The following PLEKHG4B variants were observed in gnomAD, a reference collection of about 807,000 sequenced individuals.
The protein encoded by PLEKHG4B is pleckstrin homology and RhoGEF domain containing G4B, also known as pleckstrin homology domain-containing family G member 4B.
In PLEKHG4B, 111 loss-of-function variants were observed where a neutral mutation model predicts 121.3. The observed-to-expected ratio is 0.92, with a 90% confidence interval of 0.78 to 1.07. The LOEUF (loss-of-function observed/expected upper bound fraction) is 1.07. Among genes scored for constraint, PLEKHG4B ranks in the 50% least tolerant of loss-of-function variants. The probability of loss-of-function intolerance (pLI) is 0.00; values close to 1 mark genes in which losing one functional copy is unlikely to be tolerated. For synonymous variants in PLEKHG4B, 738 were observed against 725.0 expected, an observed-to-expected ratio of 1.02 and a Z score of -0.29; for missense variants, 1,831 against 1,757.8, an observed-to-expected ratio of 1.04 and a Z score of -0.74.
chr5:115,578 A>G (rs374379506), intron 2 of PLEKHG4B, among the ~76,000 whole-genome samples: 8 of 152,226 alleles, frequency 5.3e-5, no homozygotes, highest in African/African-American at 1.7e-4. Flanking sequence ...TGTTTTGTCT[A>G]CGTTGAAAAT....
At chr5:131,994 C>T (rs922377334) in intron 2 of PLEKHG4B, among the ~76,000 whole-genome samples, 1 of 151,874 alleles carries the variant, frequency 6.6e-6, no homozygotes, top group East Asian at 1.9e-4. Context: ...ACAAAATACC[C>T]TAGGAATAAA....
intron 1 of PLEKHG4B, among the ~76,000 whole-genome samples, chr5:110,024 G>GCA (rs1734092023): frequency 6.7e-6 from 1 of 148,856 alleles, no homozygotes; most frequent in Non-Finnish European, 1.5e-5. Flanking sequence ...TAACACACGT[G>GCA]CACACACCCA....
chr5:116,056 A>G lies in PLEKHG4B; in HGVS notation c.243+2608A>G, dbSNP rs1734299151. Among the ~76,000 whole-genome samples the G allele has an allele frequency of 1.3e-5, 2 of 152,172 alleles. 1 individual carries two copies. Among genetic ancestry groups the G allele is most frequent in the South Asian group, 4.1e-4 (2 of 4,830 alleles). ...CTGGGGCATTCAGCATGCCTTTCTC[A>G]CAAAGCTTAATCATTTTTAGCTTTT... On this transcript the variant is annotated intron_variant, in intron 2 of 19. Coordinates refer to ENST00000637938, the MANE Select transcript of PLEKHG4B (RefSeq NM_052909.5).
Position 162,977 on chromosome 5 carries a change from C to G in PLEKHG4B, c.2905C>G (p.Pro969Ala). 6.4e-7 allele frequency: 1 copy of G among 1,567,036 alleles called. No homozygotes were observed. The highest frequency in any genetic ancestry group is 8.6e-7 in the Non-Finnish European group (1 of 1,156,070). ...SEAAPDPSLPPLAQSPPKHER... is the reference protein window; with the variant it reads ...SEAAPDPSLPALAQSPPKHER... ...GGCTGCCCCAGACCCCAGCTTACCG[C>G]CCCTTGCCCAGAGCCCCCCAAAGCA... Residue 969 changes from proline to alanine, a missense_variant, in exon 13 of 20, where the codon CCC (proline) becomes GCC (alanine). Pro to Ala is a conservative substitution (Grantham distance 27, BLOSUM62 -1). Transcript: ENST00000637938.
chr5:169,868 C>T (rs1405414933), intron 14 of PLEKHG4B, among the ~76,000 whole-genome samples: 1 of 152,244 alleles, frequency 6.6e-6, no homozygotes, highest in African/African-American at 2.4e-5. Context: ...CACACCCATT[C>T]TGCCAGCAGC....
At chr5:129,688 C>T (rs937512861) in intron 2 of PLEKHG4B, among the ~76,000 whole-genome samples, 2 of 152,166 alleles carry the variant, frequency 1.3e-5, no homozygotes, top group African/African-American at 2.4e-5. Flanking sequence ...ACGAAGTATT[C>T]CCTAGGACTG....
intron 14 of PLEKHG4B, 31 bp from the exon 15 acceptor site, chr5:171,012 C>T: frequency 6.3e-7 from 1 of 1,578,504 alleles, no homozygotes; most frequent in Non-Finnish European, 8.6e-7. Context: ...CTGTCACTCC[C>T]ACAGCCAAGC....
intron 3 of PLEKHG4B, among the ~76,000 whole-genome samples, chr5:141,924 C>A (rs1377284925): frequency 6.6e-6 from 1 of 152,160 alleles, no homozygotes; most frequent in African/African-American, 2.4e-5. Flanking sequence ...ACCCCTCCTA[C>A]CTGCCTGGCC....
Position 171,630 on chromosome 5 carries a change from T to C in PLEKHG4B, c.4050+186T>C, listed in dbSNP as rs1736558048. Among the ~76,000 whole-genome samples, 5 of 152,166 alleles carry C rather than the reference T, an allele frequency of 3.3e-5. No individual in the cohort carries two copies. The South Asian group carries it at 1.0e-3, about 32-fold the overall frequency. Reference sequence around the variant, plus strand: ...GCCACCTGGAGGAGGGTCTTACCTGTCTGGGCAATGTCAGGGAGCAGCCAG... The same window carrying C: ...GCCACCTGGAGGAGGGTCTTACCTGCCTGGGCAATGTCAGGGAGCAGCCAG... On this transcript the variant is annotated intron_variant, in intron 16 of 19. Transcript: ENST00000637938.
Position 182,029 on chromosome 5 carries a change from G to C in PLEKHG4B, c.4590G>C (p.Ala1530=), listed in dbSNP as rs779843545. The C allele has an allele frequency of 3.1e-6, 5 of 1,614,070 alleles. No homozygotes were observed. The highest frequency in any genetic ancestry group is 4.2e-6 in the Non-Finnish European group (5 of 1,179,966). The change falls in exon 20 of 20, where the codon GCG becomes GCC. Residue 1530 remains alanine (A), a synonymous_variant. Transcript: ENST00000637938. ...AGTCACAAATGAGAGGGTCCACAGC[G>C]GTGTCCTCCTCTGACCACGCCGCCC... is the stretch of plus-strand genomic sequence containing the variant. The part of the protein sequence containing the change: ...GTESQMRGST[A]VSSSDHAAPF...
chr5:100,181 C>T (rs964502069), intron 1 of PLEKHG4B, among the ~76,000 whole-genome samples: 8 of 152,048 alleles, frequency 5.3e-5, no homozygotes, highest in Non-Finnish European at 5.9e-5. Flanking sequence ...AATCTCATTA[C>T]GTTATATGAA....
intron 2 of PLEKHG4B, among the ~76,000 whole-genome samples, chr5:135,685 ATATATATATAT>A (rs1734957417): frequency 1.4e-3 from 45 of 31,054 alleles, no homozygotes; most frequent in African/African-American, 6.0e-3. Flanking sequence ...AAAAAAAAAT[ATATATATATAT>A]ATATATATAT....
At position 161,939 on chromosome 5, in the gene PLEKHG4B, G is replaced by C. The variant is rs755737878; in HGVS notation, c.2644G>C (p.Glu882Gln). ...GTGGACCCGCTCGTCCGAGTTGTGC[G>C]AGACGGTAAGAGACCCAGTGGGCGT... Reference protein sequence around the residue: ...ARWTRSSELCETVSSWMGPLD... With the variant: ...ARWTRSSELCQTVSSWMGPLD... The change falls in exon 12 of 20, where the codon GAG becomes CAG. Residue 882 changes from glutamate (E) to glutamine (Q), a missense_variant. Coordinates refer to ENST00000637938, the MANE Select transcript of PLEKHG4B (RefSeq NM_052909.5). 12 of 1,606,906 alleles carry C rather than the reference G, an allele frequency of 7.5e-6. No homozygotes were observed. Among genetic ancestry groups the C allele is most frequent in the African/African-American group, 5.3e-5 (4 of 74,810 alleles).
chr5:118,291 C>T (rs341267), intron 2 of PLEKHG4B, among the ~76,000 whole-genome samples: 88,213 of 152,008 alleles, frequency 0.58, 28,180 homozygotes, highest in East Asian at 0.91. Context: ...TAGGAGATTT[C>T]ACCTCTCTCA....
intron 7 of PLEKHG4B, among the ~76,000 whole-genome samples, chr5:154,202 T>C (rs1735691082): frequency 6.6e-6 from 1 of 152,008 alleles, no homozygotes; most frequent in African/African-American, 2.4e-5. Context: ...GACGGGGTTT[T>C]ACCGTGTTGG....
In PLEKHG4B at chr5:141,711, ATTTTTTT is replaced by A. The variant is rs34273619; in HGVS notation, c.1477+1010_1477+1016del. Among the ~76,000 whole-genome samples the A allele has an allele frequency of 9.1e-3, 1,155 of 127,554 alleles. 15 individuals carry two copies. Among genetic ancestry groups the A allele is most frequent in the African/African-American group, 0.033 (1,068 of 32,826 alleles). The allele number at this position is 127,554 out of a possible 152,430, so 83.7% of individuals were successfully genotyped here. On this transcript the variant is annotated intron_variant, in intron 3 of 19. Coordinates refer to ENST00000637938, the MANE Select transcript of PLEKHG4B (RefSeq NM_052909.5). ...TGACAACATATTTCTTAAATATTTCATTTTTTTTTTTTTTTTTTTTTGAGTAAAGAAA... is the reference window on the plus strand; with the variant it reads ...TGACAACATATTTCTTAAATATTTCATTTTTTTTTTTTTTGAGTAAAGAAA...
intron 1 of PLEKHG4B, among the ~76,000 whole-genome samples, chr5:99,476 T>C (rs1007196658): frequency 5.9e-5 from 9 of 152,036 alleles, no homozygotes; most frequent in Non-Finnish European, 5.9e-5. Context: ...AATTTATTCC[T>C]AGGTATTTAA....
rs542215813 is a variant in PLEKHG4B at position 133,123 on chromosome 5, A to T, written c.244-6360A>T. On this transcript the variant is annotated intron_variant, in intron 2 of 19. Transcript: ENST00000637938. ...GTCTTTCACCTCCTTGGTTAGGTAT[A>T]TTCCTAATTATTTTAATTTTTTGCA... Among the ~76,000 whole-genome samples the T allele has an allele frequency of 7.2e-5, 11 of 152,194 alleles. 1 individual carries two copies. In the South Asian group the frequency reaches 2.3e-3, roughly 32 times the overall value.
chr5:173,135 T>C, intron 17 of PLEKHG4B, 68 bp downstream of exon 17: 1 of 1,510,164 alleles, frequency 6.6e-7, no homozygotes. Context: ...CGGACCCTTG[T>C]CTCACCTAAG....
Sources: gnomAD v4.1 joint callset for allele counts (sites outside exome capture counted in the v4.1 genomes callset) on GRCh38, gnomAD v4.1.1 for gene constraint, MANE v1.5 for transcripts, NCBI Gene and HGNC (gene_info 2026-07-23, HGNC 2026-07-21) for gene names.